BNIPL: variants seen among roughly 807,000 people sequenced by gnomAD.
The protein encoded by BNIPL is bcl-2/adenovirus E1B 19 kDa-interacting protein 2-like protein.
BNIPL carries 33 observed loss-of-function variants against 47.0 expected under a neutral mutation model. The observed-to-expected ratio is 0.70, with a 90% CI of 0.53 to 0.94. BNIPL has a LOEUF of 0.94. Ranked by LOEUF, BNIPL falls within the 40% of genes least tolerant of loss-of-function variation. BNIPL has a pLI of 0.00. For synonymous variants in BNIPL, 145 were observed against 162.7 expected (o/e 0.89, Z 0.83); for missense variants, 404 against 445.2 (o/e 0.91, Z 0.83).
chr1:151,046,308 G>A, intron 9 of BNIPL, 143 bp downstream of exon 9: 2 of 1,291,910 alleles, frequency 1.5e-6, no homozygotes, highest in Non-Finnish European at 1.0e-6. Flanking sequence ...TGGGGAAACT[G>A]CACACACCCA....
intron 1 of BNIPL, 116 bp downstream of exon 1, chr1:151,036,882 G>GT: frequency 2.9e-6 from 3 of 1,047,548 alleles, no homozygotes; most frequent in Non-Finnish European, 4.4e-6. Context: ...AGACAAGACT[G>GT]TAAGAGAGTT....
chr1:151,045,759 T>A (rs767468591), intron 7 of BNIPL, 38 bp from the exon 8 acceptor site: 7 of 1,613,578 alleles, frequency 4.3e-6, no homozygotes, highest in African/African-American at 1.3e-5. Context: ...CACATAAAGG[T>A]GGAAGAAGAA....
rs772719314 is a variant in BNIPL at position 151,037,726 on chromosome 1, C to T, written c.137+64C>T. 2.2e-5 allele frequency: 31 copies of T among 1,399,508 alleles called. No homozygotes were observed. The highest frequency in any genetic ancestry group is 7.6e-5 in the East Asian group (3 of 39,300). The allele number at this position is 1,399,508 out of a possible 1,614,324, so 86.7% of individuals were successfully genotyped here. A position where few individuals can be genotyped will look rare whatever the true frequency, so the allele number is the denominator to read the frequency against. On this transcript the variant is annotated intron_variant, in intron 2 of 9. Transcript: ENST00000368931. ...GGTCACGAATGGACGGAGGGGATGG[C>T]GCGGCGGCTCATGGCTGTAATCCCA... is the stretch of plus-strand genomic sequence containing the variant.
intron 3 of BNIPL, 45 bp from the exon 4 acceptor site, chr1:151,038,751 C>G (rs747414613): frequency 1.2e-5 from 19 of 1,556,058 alleles, no homozygotes; most frequent in Non-Finnish European, 1.6e-5. Flanking sequence ...CTCGGCTCTC[C>G]AACACACACA....
Position 151,046,632 on chromosome 1 carries a change from C to T in BNIPL, c.1038-19C>T, listed in dbSNP as rs1323489770. 3 of 1,595,732 alleles carry T rather than the reference C, an allele frequency of 1.9e-6. No homozygotes were observed. Among genetic ancestry groups the T allele is most frequent in the Non-Finnish European group, 2.6e-6 (3 of 1,167,832 alleles). On this transcript the variant is annotated intron_variant, in intron 9 of 9. Coordinates refer to ENST00000368931, the MANE Select transcript of BNIPL (RefSeq NM_138278.4). ...CTACCCCCTGAACCACTTCTCTCCTCCCCCTCTCCCTCTCCTAGGCTGGAC... is the reference window on the plus strand; with the variant it reads ...CTACCCCCTGAACCACTTCTCTCCTTCCCCTCTCCCTCTCCTAGGCTGGAC...
Position 151,042,974 on chromosome 1 carries a change from AG to A in BNIPL, c.455del (p.Gly152ValfsTer19). The A allele has an allele frequency of 6.3e-7, 1 of 1,585,094 alleles. No homozygotes were observed. The highest frequency in any genetic ancestry group is 1.4e-5 in the African/African-American group (1 of 73,210). On this transcript the variant is annotated frameshift_variant, in exon 5 of 10. Transcript: ENST00000368931. LOFTEE classifies it high-confidence loss of function. ...FEWEDELPRA[E>X]GLGTSETAER... ...CTTTTAGATGAACTACCCCGGGCAG[AG>A]GGTCTGGGCACCAGTGAGACAGCTG...
At chr1:151,038,721 C>T (rs1009702698) in intron 3 of BNIPL, 75 bp from the exon 4 acceptor site, 1 of 1,551,194 alleles carries the variant, frequency 6.4e-7, no homozygotes, top group African/African-American at 1.4e-5. Flanking sequence ...ATCACTTTCA[C>T]ATACAGGAAT....
At chr1:151,040,958 A>C (rs2102962667) in intron 4 of BNIPL, among the ~76,000 whole-genome samples, 1 of 152,206 alleles carries the variant, frequency 6.6e-6, no homozygotes, top group South Asian at 2.1e-4. Flanking sequence ...AGGAGGGCAG[A>C]TCATCTGAGC....
chr1:151,043,664 C>A lies in BNIPL; in HGVS notation c.788C>A (p.Thr263Lys), dbSNP rs781479586. Reference sequence around the variant, plus strand: ...CTGCTTGTTCATTTGAGTGGAGGCACAAGCAGGGCCCAAGTTCCACCTCTA... The same window carrying A: ...CTGCTTGTTCATTTGAGTGGAGGCAAAAGCAGGGCCCAAGTTCCACCTCTA... The part of the protein sequence containing the change: ...NYLLVHLSGG[T>K]SRAQVPPLSW... Residue 263 changes from threonine (T) to lysine (K), a missense_variant, in exon 7 of 10, where the codon ACA becomes AAA. Transcript: ENST00000368931. 4.3e-6 allele frequency: 7 copies of A among 1,613,286 alleles called. No homozygotes were observed. Among genetic ancestry groups the A allele is most frequent in the Non-Finnish European group, 5.9e-6 (7 of 1,179,344 alleles).
At chr1:151,037,782 C>G (rs1001885299) in intron 2 of BNIPL, 120 bp downstream of exon 2, 2 of 756,170 alleles carry the variant, frequency 2.6e-6, no homozygotes, top group African/African-American at 3.5e-5. Flanking sequence ...GGGTGGATCA[C>G]CTGAGGTCAG....
Position 151,046,798 on chromosome 1 carries a change from C to G in BNIPL, c.*111C>G. The G allele has an allele frequency of 1.2e-6, 1 of 809,332 alleles. No individual in the cohort carries two copies. Among genetic ancestry groups the G allele is most frequent in the Non-Finnish European group, 1.9e-6 (1 of 519,772 alleles). The allele number at this position is 809,332 out of a possible 1,614,324, so 50.1% of individuals were successfully genotyped here. A position where few individuals can be genotyped will look rare whatever the true frequency, so the allele number is the denominator to read the frequency against. The stretch of plus-strand genomic sequence containing the variant: ...ATCTTATCCCCAACCTCAGTACCAC[C>G]GGATCTTCACTTCTCAGTGGGATTT... On this transcript the variant is annotated 3_prime_UTR_variant, in exon 10 of 10. Transcript: ENST00000368931.
At position 151,043,576 on chromosome 1, in the gene BNIPL, C is replaced by T. The variant is rs1675907463; in HGVS notation, c.720-20C>T. 11 of 1,605,238 alleles carry T rather than the reference C, an allele frequency of 6.9e-6. No homozygotes were observed. The highest frequency in any genetic ancestry group is 9.4e-6 in the Non-Finnish European group (11 of 1,172,406). ...CTGAAGCCCCTAACACATACCTTCC[C>T]TGCAATTTCATCCCCCCAGGTATAT... On this transcript the variant is annotated intron_variant, in intron 6 of 9. Coordinates refer to ENST00000368931, the MANE Select transcript of BNIPL (RefSeq NM_138278.4).
At chr1:151,042,456 G>C (rs1675860662) in intron 4 of BNIPL, among the ~76,000 whole-genome samples, 1 of 151,914 alleles carries the variant, frequency 6.6e-6, no homozygotes, top group South Asian at 2.1e-4. Context: ...TTGATGACAA[G>C]CAGACACGAA....
At chr1:151,043,756 TC>T (rs1675916257) in intron 7 of BNIPL, 29 bp downstream of exon 7, 1 of 1,565,538 alleles carries the variant, frequency 6.4e-7, no homozygotes, top group Non-Finnish European at 8.7e-7. Context: ...GGGCTACAAC[TC>T]TCTATCTCAT....
chr1:151,047,633 C>A lies in BNIPL; in HGVS notation c.*946C>A. The A allele has an allele frequency of 1.4e-6, 1 of 716,190 alleles. No individual in the cohort carries two copies. Among genetic ancestry groups the A allele is most frequent in the Non-Finnish European group, 2.1e-6 (1 of 466,830 alleles). 44.4% of individuals were successfully genotyped at this position (716,190 alleles called of 1,614,324 possible). A position where few individuals can be genotyped will look rare whatever the true frequency, so the allele number is the denominator to read the frequency against. On this transcript the variant is annotated 3_prime_UTR_variant, in exon 10 of 10. Transcript: ENST00000368931. Reference sequence around the variant, plus strand: ...CGACTCTTTCACCACCCCTTGCATCCCAAACCTTCGGTTCTGGCAGAGTTC... The same window carrying A: ...CGACTCTTTCACCACCCCTTGCATCACAAACCTTCGGTTCTGGCAGAGTTC...
chr1:151,042,265 T>G (rs1675851335), intron 4 of BNIPL, among the ~76,000 whole-genome samples: 1 of 151,954 alleles, frequency 6.6e-6, no homozygotes, highest in African/African-American at 2.4e-5. Context: ...TATTGTTTTG[T>G]AATTTGTAAT....
rs1675606430 is a variant in BNIPL, at chr1:151,036,655, T to C, written c.-71T>C. 2 of 1,382,696 alleles carry C rather than the reference T, an allele frequency of 1.4e-6. No homozygotes were observed. The highest frequency in any genetic ancestry group is 3.4e-5 in the Admixed American group (2 of 59,468). 85.7% of individuals were successfully genotyped at this position (1,382,696 alleles called of 1,614,324 possible). ...AGACAGAAAAGAGGTAAGGAAGTGTTGGGGGCTGGGACAACCAGCTCCCCA... is the reference window on the plus strand; with the variant it reads ...AGACAGAAAAGAGGTAAGGAAGTGTCGGGGGCTGGGACAACCAGCTCCCCA... On this transcript the variant is annotated 5_prime_UTR_variant, in exon 1 of 10. Transcript: ENST00000368931.
intron 4 of BNIPL, 111 bp downstream of exon 4, chr1:151,039,137 A>G (rs1348628727): frequency 1.5e-6 from 2 of 1,332,314 alleles, no homozygotes; most frequent in African/African-American, 3.0e-5. Flanking sequence ...ACCAAGGGCT[A>G]CGGCCAGCAA....
intron 7 of BNIPL, 25 bp from the exon 8 acceptor site, chr1:151,045,772 A>G (rs752527524): frequency 1.2e-6 from 2 of 1,614,078 alleles, no homozygotes; most frequent in Admixed American, 3.3e-5. Context: ...AAGAAGAAAT[A>G]GGATGATCTC....
Sources: gnomAD v4.1 joint callset for allele counts (sites outside exome capture counted in the v4.1 genomes callset) on GRCh38, gnomAD v4.1.1 for gene constraint, MANE v1.5 for transcripts, NCBI Gene and HGNC (gene_info 2026-07-23, HGNC 2026-07-21) for gene names.